The following NEDD4 variants were observed in gnomAD, a reference collection of about 807,000 sequenced individuals.
The protein encoded by NEDD4 is NEDD4 E3 ubiquitin protein ligase, also known as E3 ubiquitin-protein ligase NEDD4.
NEDD4 carries 99 observed loss-of-function variants against 144.9 expected under a neutral mutation model. The observed-to-expected ratio is 0.68, with a 90% CI of 0.58 to 0.81. The LOEUF (loss-of-function observed/expected upper bound fraction) is 0.81, where lower values mean the gene tolerates loss of function less well. NEDD4 is among the 30% of genes least tolerant of loss of function. The probability of loss-of-function intolerance (pLI) is 0.00; values close to 1 mark genes in which losing one functional copy is unlikely to be tolerated. For missense variants in NEDD4, 985 were observed against 1,065.9 expected (o/e 0.92, Z 1.06); for synonymous variants, 318 against 350.6 (o/e 0.91, Z 1.04).
intron 5 of NEDD4, among the ~76,000 whole-genome samples, chr15:55,875,889 C>T (rs1472472765): frequency 6.6e-6 from 1 of 151,920 alleles, no homozygotes; most frequent in Non-Finnish European, 1.5e-5. Context: ...TTTAGAAAAA[C>T]ACAAGCTGAG....
At chr15:55,842,185 G>C (rs765080476) in intron 18 of NEDD4, 22 bp from the exon 19 acceptor site, 7 of 1,588,000 alleles carry the variant, frequency 4.4e-6, no homozygotes, top group Non-Finnish European at 5.2e-6. Context: ...GAGGAGAGAC[G>C]TACTGTTTAA....
chr15:55,960,922 G>A (rs1018835488), intron 2 of NEDD4, among the ~76,000 whole-genome samples: 4 of 152,190 alleles, frequency 2.6e-5, no homozygotes, highest in African/African-American at 4.8e-5. Flanking sequence ...GTTGGCCCTG[G>A]GAGGCATGCT....
intron 2 of NEDD4, among the ~76,000 whole-genome samples, chr15:55,966,179 G>A (rs868845614): frequency 6.6e-6 from 1 of 152,226 alleles, no homozygotes; most frequent in East Asian, 1.9e-4. Flanking sequence ...TAAGTCCAGA[G>A]TTTATGGTTG....
intron 4 of NEDD4, among the ~76,000 whole-genome samples, chr15:55,942,411 T>C (rs1340932770): frequency 6.6e-6 from 1 of 152,184 alleles, no homozygotes; most frequent in Non-Finnish European, 1.5e-5. Flanking sequence ...AGGGGCCAGA[T>C]GGGAGGTGAC....
At chr15:55,854,436 T>C (rs191941511) in intron 12 of NEDD4, among the ~76,000 whole-genome samples, 42 of 152,282 alleles carry the variant, frequency 2.8e-4, no homozygotes, top group African/African-American at 9.4e-4. Flanking sequence ...ATCTCTACAG[T>C]GGAATACCGT....
chr15:55,973,200 T>C (rs2037640871), intron 1 of NEDD4, among the ~76,000 whole-genome samples: 1 of 152,220 alleles, frequency 6.6e-6, no homozygotes, highest in South Asian at 2.1e-4. Flanking sequence ...TCCTGGCATA[T>C]GGATCATTCT....
Position 55,917,149 on chromosome 15 carries a change from G to T in NEDD4, c.291+7497C>A, listed in dbSNP as rs1241056666. 3 of 1,090,276 alleles carry T rather than the reference G, an allele frequency of 2.8e-6. No homozygotes were observed. The African/African-American group carries it at 4.9e-5, about 18-fold the overall frequency. The allele number at this position is 1,090,276 out of a possible 1,614,324, so 67.5% of individuals were successfully genotyped here. ...GCTGCAGCACACTGACTCAAACACAGCCAACCTTGTTTCAATTATACCTTC... is the reference window on the plus strand; with the variant it reads ...GCTGCAGCACACTGACTCAAACACATCCAACCTTGTTTCAATTATACCTTC... On this transcript the variant is annotated intron_variant, in intron 5 of 28. Coordinates refer to ENST00000435532, the MANE Select transcript of NEDD4 (RefSeq NM_006154.4).
rs2032781825 is a variant in NEDD4, at chr15:55,828,241, C to T, written c.*1656G>A. 6.6e-6 allele frequency: 1 copy of T among 152,164 alleles called. No individual in the cohort carries two copies. Among genetic ancestry groups the T allele is most frequent in the Non-Finnish European group, 1.5e-5 (1 of 68,036 alleles). The allele number at this position is 152,164 out of a possible 1,614,324, so 9.4% of individuals were successfully genotyped here. ...GAGTACTCATCATGTTATACCCCAA[C>T]AAACTTAAACCAAGAACCAGAGGTA... On this transcript the variant is annotated 3_prime_UTR_variant, in exon 29 of 29. Transcript: ENST00000435532.
chr15:55,937,937 C>T (rs1235780858), intron 4 of NEDD4, among the ~76,000 whole-genome samples: 1 of 152,242 alleles, frequency 6.6e-6, no homozygotes, highest in East Asian at 1.9e-4. Context: ...GTAATTAAAA[C>T]AGTATGACAC....
At chr15:55,916,001 T>C (rs1240291850) in intron 5 of NEDD4, 2 of 1,613,824 alleles carry the variant, frequency 1.2e-6, no homozygotes, top group Admixed American at 1.7e-5. Context: ...GAGAAGTCGG[T>C]CGGGTAGTTG....
chr15:55,840,041 T>TATATATATATAA (rs1428035593), intron 21 of NEDD4, among the ~76,000 whole-genome samples: 1 of 70,462 alleles, frequency 1.4e-5, no homozygotes, highest in African/African-American at 5.2e-5. Flanking sequence ...TATATATATA[T>TATATATATATAA]AACATTCATC....
intron 5 of NEDD4, among the ~76,000 whole-genome samples, chr15:55,923,598 G>C (rs1595848329): frequency 6.8e-6 from 1 of 147,978 alleles, no homozygotes; most frequent in Non-Finnish European, 1.5e-5. Context: ...AGTGAGTTGA[G>C]ACTGAGCCAC....
chr15:55,974,218 T>C (rs375393261), intron 1 of NEDD4, among the ~76,000 whole-genome samples: 1 of 152,050 alleles, frequency 6.6e-6, no homozygotes, highest in Non-Finnish European at 1.5e-5. Context: ...GATTGAACCA[T>C]GAAGAAATCC....
At chr15:55,914,271 C>T (rs749380111) in intron 5 of NEDD4, among the ~76,000 whole-genome samples, 34 of 151,454 alleles carry the variant, frequency 2.2e-4, no homozygotes, top group Admixed American at 8.5e-4. Context: ...GTTTTTTCCC[C>T]CCAAAACTAT....
intron 21 of NEDD4, among the ~76,000 whole-genome samples, chr15:55,840,027 T>G (rs1420365277): frequency 1.5e-5 from 1 of 67,946 alleles, no homozygotes; most frequent in Non-Finnish European, 2.8e-5. Flanking sequence ...TATATATATA[T>G]ATATATATAT....
At chr15:55,863,619 C>G (rs1389198920) in intron 8 of NEDD4, among the ~76,000 whole-genome samples, 2 of 152,004 alleles carry the variant, frequency 1.3e-5, no homozygotes, top group East Asian at 3.9e-4. Flanking sequence ...GACAAAAAAT[C>G]GTTTAAATAA....
intron 1 of NEDD4, among the ~76,000 whole-genome samples, chr15:55,976,365 C>T (rs2037699710): frequency 6.6e-6 from 1 of 152,086 alleles, no homozygotes; most frequent in African/African-American, 2.4e-5. Context: ...GAAGCTCAAA[C>T]AACTCAATAG....
intron 1 of NEDD4, among the ~76,000 whole-genome samples, chr15:55,968,737 T>C (rs66663065): frequency 0.15 from 23,139 of 152,130 alleles, 1,939 homozygotes; most frequent in East Asian, 0.32. Flanking sequence ...TTACTAAAGT[T>C]CTAAAATAAA....
chr15:55,873,997 A>G lies in NEDD4; in HGVS notation c.303T>C (p.Asp101=). The G allele has an allele frequency of 6.5e-7, 1 of 1,536,220 alleles. No homozygotes were observed. The highest frequency in any genetic ancestry group is 8.8e-7 in the Non-Finnish European group (1 of 1,133,270). Residue 101 remains aspartate, a synonymous_variant, in exon 6 of 29, where the codon GAT becomes GAC. Coordinates refer to ENST00000435532, the MANE Select transcript of NEDD4 (RefSeq NM_006154.4). Reference sequence around the variant, plus strand: ...GTGGAACATCCACTTGACCTAGGAAATCATCTCTTGTCTATAAGAGAAGGA... The same window carrying G: ...GTGGAACATCCACTTGACCTAGGAAGTCATCTCTTGTCTATAAGAGAAGGA... The part of the protein sequence containing the change: ...VFDENRLTRD[D]FLGQVDVPLY...
Sources: allele counts gnomAD v4.1 joint callset (sites outside exome capture counted in the v4.1 genomes callset), GRCh38; gene constraint gnomAD v4.1.1; transcripts MANE v1.5; gene names NCBI Gene and HGNC (gene_info 2026-07-23, HGNC 2026-07-21).